The following NBEAL1 variants were observed in gnomAD, a reference collection of about 807,000 sequenced individuals.
NBEAL1 encodes neurobeachin-like protein 1.
NBEAL1 carries 273 observed loss-of-function variants against 351.3 expected under a neutral mutation model. That is an observed-to-expected ratio of 0.78 (90% confidence interval 0.70 to 0.86). The LOEUF (loss-of-function observed/expected upper bound fraction) is 0.86. Among genes scored for constraint, NBEAL1 ranks in the 40% least tolerant of loss-of-function variants. NBEAL1 has a pLI of 0.00. For missense variants in NBEAL1, 2,961 were observed against 3,201.3 expected (o/e 0.92, Z 1.81); for synonymous variants, 1,050 against 1,086.4 (o/e 0.97, Z 0.66).
chr2:203,033,592 A>G (rs762057760), intron 2 of NBEAL1, among the ~76,000 whole-genome samples: 2 of 152,222 alleles, frequency 1.3e-5, no homozygotes, highest in Admixed American at 6.5e-5. Context: ...AGGTTTTTGC[A>G]GAAATTACTC....
Position 203,188,527 on chromosome 2 carries a change from A to G in NBEAL1, c.6761A>G (p.Tyr2254Cys), listed in dbSNP as rs746683888. ...LHEWIDLIFGYKQRGPAAVEA... is the reference protein window; with the variant it reads ...LHEWIDLIFGCKQRGPAAVEA... ...GAATGGATAGATCTGATCTTTGGCT[A>G]TAAACAGAGGGGACCAGCTGCAGTA... The change falls in exon 45 of 56, where the codon TAT becomes TGT. Residue 2254 changes from tyrosine to cysteine, a missense_variant. By Grantham distance (194) the Tyr-to-Cys change is radical. Transcript: ENST00000683969. 1.2e-6 allele frequency: 2 copies of G among 1,610,032 alleles called. No individual in the cohort carries two copies. Among genetic ancestry groups the G allele is most frequent in the South Asian group, 1.1e-5 (1 of 90,140 alleles).
intron 17 of NBEAL1, among the ~76,000 whole-genome samples, chr2:203,113,706 C>G (rs1366825172): frequency 6.6e-6 from 1 of 151,842 alleles, no homozygotes; most frequent in Non-Finnish European, 1.5e-5. Flanking sequence ...GCTCTCACTT[C>G]TATATAAGTG....
At chr2:203,182,007 A>G (rs1009540582) in intron 43 of NBEAL1, 1 of 152,212 alleles carries the variant, frequency 6.6e-6, no homozygotes, top group Non-Finnish European at 1.5e-5. Flanking sequence ...TTCTAGCTAT[A>G]CATTGCCTCT....
At position 203,049,508 on chromosome 2, in the gene NBEAL1, TA is replaced by T. The variant is rs560470156; in HGVS notation, c.144-301del. Among the ~76,000 whole-genome samples the T allele has an allele frequency of 4.9e-3, 748 of 152,314 alleles. 5 individuals are homozygous for T. Among genetic ancestry groups the T allele is most frequent in the Non-Finnish European group, 8.5e-3 (577 of 68,018 alleles). On this transcript the variant is annotated intron_variant, in intron 3 of 55. Transcript: ENST00000683969. ...CATAATTTATTCTAAGTATTTTCATTAAAAATAGTACAATTGAAGATATCAA... is the reference window on the plus strand; with the variant it reads ...CATAATTTATTCTAAGTATTTTCATTAAAATAGTACAATTGAAGATATCAA...
chr2:203,162,794 A>G (rs1191923578), intron 36 of NBEAL1, among the ~76,000 whole-genome samples: 2 of 152,206 alleles, frequency 1.3e-5, no homozygotes, highest in Non-Finnish European at 2.9e-5. Flanking sequence ...TTAATATAAT[A>G]TCAAAAAGCA....
chr2:203,217,284 G>A lies in NBEAL1; in HGVS notation c.8102G>A (p.Trp2701Ter). Residue 2701 changes from tryptophan (W) to a stop codon, truncating the protein, a stop_gained, in exon 56 of 56, where the codon TGG (tryptophan) becomes TAG (stop). Coordinates refer to ENST00000683969, the MANE Select transcript of NBEAL1 (RefSeq NM_001378026.1). LOFTEE classifies it high-confidence loss of function. ...MRSGQLSRKF[W>*]GSSKRLSQIS... is the part of the protein sequence containing the mutation. ...TCAGGTCAGCTTTCTCGAAAATTTT[G>A]GGGATCGAGCAAGCGGCTCAGCCAG... 6.3e-7 allele frequency: 1 copy of A among 1,597,718 alleles called. No individual in the cohort carries two copies. The highest frequency in any genetic ancestry group is 8.5e-7 in the Non-Finnish European group (1 of 1,171,792).
intron 51 of NBEAL1, among the ~76,000 whole-genome samples, chr2:203,207,439 TG>T (rs1559066656): frequency 6.6e-6 from 1 of 152,126 alleles, no homozygotes; most frequent in East Asian, 1.9e-4. Context: ...GAACGGGCCA[TG>T]ATGACAATGG....
At chr2:203,210,116 A>T (rs1386459234) in intron 53 of NBEAL1, among the ~76,000 whole-genome samples, 1 of 152,052 alleles carries the variant, frequency 6.6e-6, no homozygotes, top group Non-Finnish European at 1.5e-5. Context: ...TAATCCCAGC[A>T]CTTTGGGAGG....
chr2:203,179,129 A>T (rs1327129768), intron 42 of NBEAL1, among the ~76,000 whole-genome samples: 1 of 152,222 alleles, frequency 6.6e-6, no homozygotes, highest in Non-Finnish European at 1.5e-5. Flanking sequence ...TTTGTAGCAT[A>T]GCCTTACCTT....
chr2:203,137,119 T>C (rs1057229642), intron 29 of NBEAL1, among the ~76,000 whole-genome samples: 1 of 152,070 alleles, frequency 6.6e-6, no homozygotes, highest in Non-Finnish European at 1.5e-5. Context: ...GAGAACGGAG[T>C]TGGGTTTTCA....
At chr2:203,045,401 G>GA (rs898817944) in intron 3 of NBEAL1, among the ~76,000 whole-genome samples, 1 of 151,580 alleles carries the variant, frequency 6.6e-6, no homozygotes, top group Admixed American at 6.6e-5. Context: ...CCTTTAGCAG[G>GA]AAAAAAAATA....
intron 2 of NBEAL1, among the ~76,000 whole-genome samples, chr2:203,023,072 A>G (rs1257252917): frequency 6.6e-6 from 1 of 152,242 alleles, no homozygotes; most frequent in Non-Finnish European, 1.5e-5. Flanking sequence ...GTTAAAAGGC[A>G]AGTATCTCTT....
chr2:203,070,339 T>TTC (rs1227694604), intron 7 of NBEAL1, among the ~76,000 whole-genome samples: 127 of 150,582 alleles, frequency 8.4e-4, no homozygotes, highest in East Asian at 5.1e-3. Flanking sequence ...TAACTTGTAT[T>TTC]TCTCTCTCTC....
At chr2:203,179,188 A>G (rs2064620626) in intron 42 of NBEAL1, among the ~76,000 whole-genome samples, 1 of 152,230 alleles carries the variant, frequency 6.6e-6, no homozygotes, top group South Asian at 2.1e-4. Flanking sequence ...ACAATATCAA[A>G]TGAAATAAAA....
At chr2:203,171,763 C>T (rs1463802220) in intron 39 of NBEAL1, among the ~76,000 whole-genome samples, 165 bp from the exon 40 acceptor site, 1 of 148,248 alleles carries the variant, frequency 6.7e-6, no homozygotes, top group Non-Finnish European at 1.5e-5. Context: ...TTTTTAGAGA[C>T]CAATATTTTA....
At position 203,224,263 on chromosome 2, in the gene NBEAL1, G is replaced by T. The variant is rs2105870000; in HGVS notation, c.*6909G>T. Among the ~76,000 whole-genome samples the T allele has an allele frequency of 1.3e-5, 2 of 152,082 alleles. No individual in the cohort carries two copies. Among genetic ancestry groups the T allele is most frequent in the South Asian group, 4.1e-4 (2 of 4,826 alleles). The stretch of plus-strand genomic sequence containing the variant: ...TTGTGGCAAACTGCTTATTTTATAA[G>T]TAGCTTTATATAAGAAAACTTCTTA... On this transcript the variant is annotated 3_prime_UTR_variant, in exon 56 of 56. Coordinates refer to ENST00000683969, the MANE Select transcript of NBEAL1 (RefSeq NM_001378026.1).
chr2:203,128,079 G>T, intron 24 of NBEAL1, 142 bp downstream of exon 24: 1 of 557,286 alleles, frequency 1.8e-6, no homozygotes, highest in Non-Finnish European at 3.1e-6. Flanking sequence ...CACTTAAGAA[G>T]TAAATTTTAT....
intron 3 of NBEAL1, among the ~76,000 whole-genome samples, chr2:203,046,661 T>C (rs1043651491): frequency 1.3e-5 from 2 of 152,118 alleles, no homozygotes; most frequent in African/African-American, 4.8e-5. Context: ...GAATACTGTG[T>C]CCTCACACAG....
At chr2:203,215,286 G>A (rs1222243306) in intron 55 of NBEAL1, among the ~76,000 whole-genome samples, 1 of 151,988 alleles carries the variant, frequency 6.6e-6, no homozygotes, top group Non-Finnish European at 1.5e-5. Context: ...GGATCACGAG[G>A]TCAAGAGATC....
Sources: gnomAD v4.1 joint callset for allele counts (sites outside exome capture counted in the v4.1 genomes callset) on GRCh38, gnomAD v4.1.1 for gene constraint, MANE v1.5 for transcripts, NCBI Gene and HGNC (gene_info 2026-07-23, HGNC 2026-07-21) for gene names.